Variants in FUT8 observed in about 807,000 individuals in gnomAD.
FUT8 encodes the protein alpha-(1,6)-fucosyltransferase.
Under a neutral mutation model 71.3 loss-of-function variants are expected in FUT8, and 29 were observed. That is an observed-to-expected ratio of 0.41 (90% CI 0.30 to 0.55). The LOEUF (loss-of-function observed/expected upper bound fraction) is 0.55. FUT8 is among the 20% of genes least tolerant of loss of function. The probability of loss-of-function intolerance (pLI) is 0.34; values close to 1 mark genes in which losing one functional copy is unlikely to be tolerated. For synonymous variants in FUT8, 254 were observed against 239.3 expected (o/e 1.06, Z -0.57); for missense variants, 544 against 702.1 (o/e 0.77, Z 2.55).
chr14:65,493,352 C>T (rs1340185259), intron 2 of FUT8, among the ~76,000 whole-genome samples: 1 of 152,008 alleles, frequency 6.6e-6, no homozygotes, highest in Non-Finnish European at 1.5e-5. Context: ...TCCCAAATGA[C>T]CACCTTCTCC....
At chr14:65,611,261 A>ACCCCCCAAGTAATAGCCTTGATTTTG (rs1566851254) in intron 3 of FUT8, among the ~76,000 whole-genome samples, 1 of 72,894 alleles carries the variant, frequency 1.4e-5, no homozygotes, top group African/African-American at 1.0e-4. Flanking sequence ...ACACACACAC[A>ACCCCCCAAGTAATAGCCTTGATTTTG]CACACACACA....
chr14:65,470,881 G>A (rs981092240), intron 2 of FUT8, among the ~76,000 whole-genome samples: 1 of 152,074 alleles, frequency 6.6e-6, no homozygotes, highest in Non-Finnish European at 1.5e-5. Flanking sequence ...GAGGGCGGCG[G>A]GCTGTTGAGG....
the FUT8 span, among the ~76,000 whole-genome samples, chr14:65,365,815 A>G: frequency 6.6e-6 from 1 of 152,070 alleles, no homozygotes; most frequent in African/African-American, 2.4e-5. Flanking sequence ...CCTATGGAGT[A>G]GCATTCTTAT....
intron 3 of FUT8, among the ~76,000 whole-genome samples, chr14:65,599,632 C>G (rs900687499): frequency 6.6e-6 from 1 of 152,160 alleles, no homozygotes; most frequent in African/African-American, 2.4e-5. Context: ...TAGAGATACT[C>G]TTTGGTATGC....
At position 65,733,216 on chromosome 14, in the gene FUT8, A is replaced by C. The variant is rs2139387639; in HGVS notation, c.1260-15A>C. 6.5e-7 allele frequency: 1 copy of C among 1,542,182 alleles called. No homozygotes were observed. The highest frequency in any genetic ancestry group is 2.3e-5 in the East Asian group (1 of 43,812). Reference sequence around the variant, plus strand: ...TGATATCTATGACCATCTATAAATTAATTTATTTTTTCAGGTACCCCAATT... The same window carrying C: ...TGATATCTATGACCATCTATAAATTCATTTATTTTTTCAGGTACCCCAATT... On this transcript the variant is annotated splice_polypyrimidine_tract_variant and intron_variant, in intron 9 of 10. Transcript: ENST00000673929.
intron 2 of FUT8, among the ~76,000 whole-genome samples, chr14:65,534,157 T>A (rs1884136954): frequency 6.6e-6 from 1 of 152,100 alleles, no homozygotes; most frequent in Non-Finnish European, 1.5e-5. Context: ...AGGGTCTCAC[T>A]TTGTCACCCA....
intron 7 of FUT8, among the ~76,000 whole-genome samples, chr14:65,697,589 A>T (rs1233857321): frequency 6.6e-6 from 1 of 152,214 alleles, no homozygotes; most frequent in Non-Finnish European, 1.5e-5. Flanking sequence ...GGAACTGAAG[A>T]AAAGTACAAT....
chr14:65,582,317 A>T (rs923076502), intron 3 of FUT8, among the ~76,000 whole-genome samples: 2 of 152,132 alleles, frequency 1.3e-5, no homozygotes, highest in Admixed American at 6.6e-5. Context: ...ATATAAGAAT[A>T]TATTTACTTC....
rs1367363845 is a variant in FUT8, at chr14:65,643,673, C to T, written c.597+14067C>T. On this transcript the variant is annotated intron_variant, in intron 6 of 10. Transcript: ENST00000673929. This position sits in a 1 kb window ranked among gnomAD's most constrained non-coding sequence, Gnocchi z 4.5. ...CGTCTTTAAAAAAAAAATACACACA[C>T]ACACACACACACACACACACACACA... Among the ~76,000 whole-genome samples the T allele has an allele frequency of 1.0e-3, 64 of 62,962 alleles. 3 individuals are homozygous for T. In the South Asian group the frequency reaches 0.019, roughly 19 times the overall value. The allele number at this position is 62,962 out of a possible 152,430, so 41.3% of individuals were successfully genotyped here. A position where few individuals can be genotyped will look rare whatever the true frequency, so the allele number is the denominator to read the frequency against.
At chr14:65,698,547 T>TAAAAAAAAAAAA (rs564084481) in intron 7 of FUT8, among the ~76,000 whole-genome samples, 1 of 152,190 alleles carries the variant, frequency 6.6e-6, no homozygotes, top group South Asian at 2.1e-4. Flanking sequence ...TTTGAGGTCT[T>TAAAAAAAAAAAA]AAACTATTAT....
At chr14:65,463,992 CAG>C (rs1733150629) in intron 2 of FUT8, among the ~76,000 whole-genome samples, 1 of 152,208 alleles carries the variant, frequency 6.6e-6, no homozygotes, top group Non-Finnish European at 1.5e-5. Flanking sequence ...GCCACCCCTG[CAG>C]CCCCACTGGG....
intron 10 of FUT8, 102 bp from the exon 11 acceptor site, chr14:65,741,991 A>C: frequency 4.7e-5 from 41 of 877,224 alleles, no homozygotes; most frequent in Non-Finnish European, 6.4e-5. Context: ...ACTACTTTTC[A>C]ACCTCTTACT....
chr14:65,695,317 C>T (rs1394697094), intron 7 of FUT8, among the ~76,000 whole-genome samples: 1 of 152,000 alleles, frequency 6.6e-6, no homozygotes, highest in Non-Finnish European at 1.5e-5. Flanking sequence ...TAAGTTTTTA[C>T]CTTATGTATT....
intron 9 of FUT8, among the ~76,000 whole-genome samples, chr14:65,728,850 G>A (rs939008293): frequency 2.0e-5 from 3 of 151,994 alleles, no homozygotes; most frequent in African/African-American, 7.3e-5. Flanking sequence ...CTAGGTTTTT[G>A]TAAATACACC....
chr14:65,557,793 CTG>C (rs1885674497), intron 2 of FUT8, among the ~76,000 whole-genome samples: 1 of 152,118 alleles, frequency 6.6e-6, no homozygotes, highest in Non-Finnish European at 1.5e-5. Context: ...AAAGCCCACT[CTG>C]AGAAGAAATC....
chr14:65,729,310 C>T (rs1895844626), intron 9 of FUT8, among the ~76,000 whole-genome samples: 1 of 152,036 alleles, frequency 6.6e-6, no homozygotes, highest in African/African-American at 2.4e-5. Context: ...AGCCACCATG[C>T]CCAGCCTAAA....
chr14:65,469,987 G>T (rs2066113259), intron 2 of FUT8, among the ~76,000 whole-genome samples: 1 of 152,206 alleles, frequency 6.6e-6, no homozygotes, highest in Admixed American at 6.5e-5. Flanking sequence ...TCTATCTGGG[G>T]ACGTGCCCCC....
At position 65,652,218 on chromosome 14, in the gene FUT8, G is replaced by A. The variant is rs373307638; in HGVS notation, c.598-17025G>A. The stretch of plus-strand genomic sequence containing the variant: ...AAGACAGGATGAGAATCAACACTTT[G>A]TAAGAGCCTTCAGTGGACCAGAAGC... On this transcript the variant is annotated intron_variant, in intron 6 of 10. Coordinates refer to ENST00000673929, the MANE Select transcript of FUT8 (RefSeq NM_001371533.1). This position sits in a 1 kb window ranked among gnomAD's most constrained non-coding sequence, Gnocchi z 4.0. 1.3e-5 allele frequency among the ~76,000 whole-genome samples: 2 copies of A among 152,204 alleles called. No individual in the cohort carries two copies. The highest frequency in any genetic ancestry group is 4.1e-4 in the South Asian group (2 of 4,830).
intron 9 of FUT8, 66 bp downstream of exon 9, chr14:65,724,389 T>A (rs1895576748): frequency 1.0e-6 from 1 of 962,970 alleles, no homozygotes; most frequent in South Asian, 1.8e-5. Context: ...AATTCTTACT[T>A]CCCATGACTT....
Sources: gnomAD v4.1 joint callset for allele counts (sites outside exome capture counted in the v4.1 genomes callset) on GRCh38, gnomAD v4.1.1 for gene constraint, Gnocchi (gnomAD v3.1) non-coding constraint, MANE v1.5 for transcripts, NCBI Gene and HGNC (gene_info 2026-07-23, HGNC 2026-07-21) for gene names.